LRBA: variants seen among roughly 807,000 people sequenced by gnomAD.
LRBA encodes the protein LPS responsive beige-like anchor protein, also known as lipopolysaccharide-responsive and beige-like anchor protein.
In LRBA, 176 loss-of-function variants were observed where a neutral mutation model predicts 330.0. That is an observed-to-expected ratio of 0.53 (90% CI 0.47 to 0.60). The LOEUF is 0.60. Among genes scored for constraint, LRBA ranks in the 20% least tolerant of loss-of-function variants. LRBA has a pLI of 0.00. For synonymous variants in LRBA, 1,230 were observed against 1,193.0 expected, an observed-to-expected ratio of 1.03 and a Z score of -0.64; for missense variants, 3,259 against 3,444.8, an observed-to-expected ratio of 0.95 and a Z score of 1.35.
intron 34 of LRBA, among the ~76,000 whole-genome samples, chr4:150,763,054 T>C (rs1735309758): frequency 6.6e-6 from 1 of 152,038 alleles, no homozygotes; most frequent in Non-Finnish European, 1.5e-5. Context: ...TCACATGACA[T>C]GATTTTGTCA....
At chr4:150,800,645 T>C (rs1227066133) in intron 33 of LRBA, among the ~76,000 whole-genome samples, 1 of 152,150 alleles carries the variant, frequency 6.6e-6, no homozygotes, top group Non-Finnish European at 1.5e-5. Flanking sequence ...AGAACTATCA[T>C]TTTCATTTTA....
intron 46 of LRBA, among the ~76,000 whole-genome samples, chr4:150,419,749 T>C (rs1230188327): frequency 6.7e-6 from 1 of 149,492 alleles, no homozygotes; most frequent in Non-Finnish European, 1.5e-5. Context: ...GCGATTCTCA[T>C]GCCTCAGCTT....
chr4:150,862,747 T>A (rs981717326), intron 22 of LRBA, among the ~76,000 whole-genome samples: 1 of 145,040 alleles, frequency 6.9e-6, no homozygotes, highest in South Asian at 2.2e-4. Context: ...GAGGTGGAGG[T>A]GGGTGGATCC....
At chr4:150,315,762 A>G in intron 50 of LRBA, 139 bp from the exon 51 acceptor site, 1 of 599,554 alleles carries the variant, frequency 1.7e-6, no homozygotes, top group Non-Finnish European at 2.9e-6. Flanking sequence ...TTAAAGAACA[A>G]AAATCCAGGT....
At chr4:150,521,207 A>AT (rs1269939853) in intron 40 of LRBA, among the ~76,000 whole-genome samples, 3 of 151,748 alleles carry the variant, frequency 2.0e-5, no homozygotes, top group Non-Finnish European at 2.9e-5. Flanking sequence ...TTTAAAGTTG[A>AT]TTTTTTTCCT....
intron 40 of LRBA, among the ~76,000 whole-genome samples, chr4:150,575,589 C>T (rs556462261): frequency 6.6e-6 from 1 of 151,812 alleles, no homozygotes; most frequent in South Asian, 2.1e-4. Context: ...CATAGACCCA[C>T]AAAATGTCTC....
intron 40 of LRBA, among the ~76,000 whole-genome samples, chr4:150,523,943 T>C (rs1486475890): frequency 2.0e-5 from 3 of 152,182 alleles, no homozygotes; most frequent in Admixed American, 6.5e-5. Context: ...TCCTGCTTCT[T>C]TGCATGTCTA....
rs574302747 is a variant in LRBA at position 150,361,570 on chromosome 4, C to A, written c.7195-11411G>T. Reference sequence around the variant, plus strand: ...ACTCTCTCTCCAGATTCTCTTTCTACATTTCTGATTTTCCTATTCATTTTC... The same window carrying A: ...ACTCTCTCTCCAGATTCTCTTTCTAAATTTCTGATTTTCCTATTCATTTTC... On this transcript the variant is annotated intron_variant, in intron 47 of 56. Coordinates refer to ENST00000651943, the MANE Select transcript of LRBA (RefSeq NM_001364905.1). Among the ~76,000 whole-genome samples, 14 of 152,190 alleles carry A rather than the reference C, an allele frequency of 9.2e-5. No individual in the cohort carries two copies. The South Asian group carries it at 2.9e-3, about 32-fold the overall frequency.
intron 22 of LRBA, among the ~76,000 whole-genome samples, chr4:150,862,169 C>A (rs972317740): frequency 1.3e-5 from 2 of 152,134 alleles, no homozygotes; most frequent in African/African-American, 4.8e-5. Flanking sequence ...ACCCAGCCAT[C>A]CCATTACTGG....
chr4:150,508,749 G>T (rs1017702376), intron 40 of LRBA, among the ~76,000 whole-genome samples: 1 of 152,104 alleles, frequency 6.6e-6, no homozygotes, highest in Non-Finnish European at 1.5e-5. Flanking sequence ...ACTGAAAGAA[G>T]AAACACATGA....
chr4:150,580,232 A>C (rs1481176523), intron 40 of LRBA: 3 of 152,414 alleles, frequency 2.0e-5, no homozygotes, highest in African/African-American at 7.2e-5. Flanking sequence ...TCGCGCGGAC[A>C]CTTAATTCTG....
chr4:150,821,411 T>C (rs79840865), intron 30 of LRBA, among the ~76,000 whole-genome samples: 311 of 152,250 alleles, frequency 2.0e-3, no homozygotes, highest in Non-Finnish European at 2.5e-3. Flanking sequence ...CATATTATTA[T>C]GCTAATTTTA....
In LRBA at chr4:150,511,429, C is replaced by A. The variant is rs563067057; in HGVS notation, c.6331-20394G>T. Among the ~76,000 whole-genome samples the A allele has an allele frequency of 1.3e-3, 204 of 152,274 alleles. 5 individuals carry two copies. Among genetic ancestry groups the A allele is most frequent in the Non-Finnish European group, 1.3e-3 (87 of 68,032 alleles). ...GGTTCTTATCATCTTTTACCATTTT[C>A]ATAGACATATCTTATATTCTAAACA... On this transcript the variant is annotated intron_variant, in intron 40 of 56. Coordinates refer to ENST00000651943, the MANE Select transcript of LRBA (RefSeq NM_001364905.1).
intron 40 of LRBA, among the ~76,000 whole-genome samples, chr4:150,563,880 A>G (rs1416276401): frequency 6.6e-6 from 1 of 152,200 alleles, no homozygotes; most frequent in Admixed American, 6.6e-5. Flanking sequence ...CAGTGAAATA[A>G]AGGAGGACAC....
intron 37 of LRBA, among the ~76,000 whole-genome samples, chr4:150,607,413 AAAATCAAGGGCTGTAAC>A (rs1390635449): frequency 6.6e-6 from 1 of 151,998 alleles, no homozygotes; most frequent in Non-Finnish European, 1.5e-5. Context: ...TAATGAGAAT[AAAATCAAGGGCTGTAAC>A]AAGAGGGAAG....
chr4:150,895,005 G>C (rs1412188325), intron 16 of LRBA, among the ~76,000 whole-genome samples: 1 of 151,920 alleles, frequency 6.6e-6, no homozygotes, highest in Non-Finnish European at 1.5e-5. Flanking sequence ...AATTAACAAA[G>C]AGATCCAATC....
Position 150,583,301 on chromosome 4 carries a change from A to G in LRBA, c.6330+4747T>C, listed in dbSNP as rs750314750. On this transcript the variant is annotated intron_variant, in intron 40 of 56. Coordinates refer to ENST00000651943, the MANE Select transcript of LRBA (RefSeq NM_001364905.1). This position sits in a 1 kb window ranked among gnomAD's most constrained non-coding sequence, Gnocchi z 9.8. ...ATGGGCGTCTTCAACTTCGTGGACG[A>G]CGGCTCGCTGCCCGGCTGCGCAGTG... The G allele has an allele frequency of 3.7e-6, 6 of 1,614,186 alleles. No individual in the cohort carries two copies. The highest frequency in any genetic ancestry group is 5.1e-6 in the Non-Finnish European group (6 of 1,180,038).
intron 53 of LRBA, among the ~76,000 whole-genome samples, chr4:150,298,250 G>A (rs1729207247): frequency 6.6e-6 from 1 of 151,996 alleles, no homozygotes; most frequent in Non-Finnish European, 1.5e-5. Context: ...TGTGCACAGA[G>A]GCAGCCAGTA....
At chr4:150,679,685 A>C (rs1244878670) in intron 37 of LRBA, 1 of 152,208 alleles carries the variant, frequency 6.6e-6, no homozygotes, top group Non-Finnish European at 1.5e-5. Context: ...CAATCTGAAA[A>C]GGAGTTTCTT....
Sources: gnomAD v4.1 joint callset for allele counts (sites outside exome capture counted in the v4.1 genomes callset) on GRCh38, gnomAD v4.1.1 for gene constraint, Gnocchi (gnomAD v3.1) non-coding constraint, MANE v1.5 for transcripts, NCBI Gene and HGNC (gene_info 2026-07-23, HGNC 2026-07-21) for gene names.